Variants in BBOX1 observed in about 807,000 individuals in gnomAD.
BBOX1 encodes gamma-butyrobetaine dioxygenase.
Under a neutral mutation model 41.6 loss-of-function variants are expected in BBOX1, and 35 were observed. That is an observed-to-expected ratio of 0.84 (90% confidence interval 0.64 to 1.11). BBOX1 has a LOEUF of 1.11. Ranked by LOEUF, BBOX1 falls within the 50% of genes most tolerant of loss-of-function variation. BBOX1 has a pLI of 0.00. For missense variants in BBOX1, 458 were observed against 460.6 expected, an observed-to-expected ratio of 0.99 and a Z score of 0.05; for synonymous variants, 163 against 154.7, an observed-to-expected ratio of 1.05 and a Z score of -0.40.
At chr11:27,115,337 A>T in intron 5 of BBOX1, 115 bp from the exon 6 acceptor site, 1 of 771,118 alleles carries the variant, frequency 1.3e-6, no homozygotes, top group Non-Finnish European at 2.0e-6. Context: ...TCATTATGGT[A>T]ATTATTTCAA....
intron 5 of BBOX1, among the ~76,000 whole-genome samples, chr11:27,107,486 T>A (rs1858912372): frequency 6.6e-6 from 1 of 152,110 alleles, no homozygotes; most frequent in Non-Finnish European, 1.5e-5. Flanking sequence ...TAAACAAGTC[T>A]ATACCATTGG....
At chr11:27,086,056 T>TGG (rs1332027055) in intron 4 of BBOX1, among the ~76,000 whole-genome samples, 3 of 152,208 alleles carry the variant, frequency 2.0e-5, no homozygotes, top group Non-Finnish European at 4.4e-5. Context: ...TAGCAGAGGT[T>TGG]GGTTCATGAG....
At chr11:27,058,488 T>C (rs1398642126) in intron 4 of BBOX1, among the ~76,000 whole-genome samples, 1 of 152,124 alleles carries the variant, frequency 6.6e-6, no homozygotes, top group East Asian at 1.9e-4. Context: ...TTGGAAGAGT[T>C]TGGAGAGCTC....
chr11:27,086,065 A>G lies in BBOX1; in HGVS notation c.335-7103A>G, dbSNP rs545521442. On this transcript the variant is annotated intron_variant, in intron 4 of 8. Coordinates refer to ENST00000263182, the MANE Select transcript of BBOX1 (RefSeq NM_003986.3). ...TGGCAGTAGCAGAGGTTGGTTCATG[A>G]GGTTTAAGGAAAGAAGTTTTCTTTA... 2.6e-3 allele frequency among the ~76,000 whole-genome samples: 395 copies of G among 152,246 alleles called. 3 individuals carry two copies. The highest frequency in any genetic ancestry group is 0.017 in the South Asian group (80 of 4,826).
intron 4 of BBOX1, among the ~76,000 whole-genome samples, chr11:27,059,627 A>G (rs888376607): frequency 3.3e-5 from 5 of 152,192 alleles, no homozygotes; most frequent in African/African-American, 1.2e-4. Context: ...CTGTGACAGC[A>G]GCCTCTGGAG....
intron 5 of BBOX1, among the ~76,000 whole-genome samples, chr11:27,097,325 A>G (rs967336165): frequency 6.6e-6 from 1 of 152,060 alleles, no homozygotes; most frequent in African/African-American, 2.4e-5. Flanking sequence ...ATCCATTGGG[A>G]AACAGTTATT....
At chr11:27,107,573 T>G (rs1178298859) in intron 5 of BBOX1, among the ~76,000 whole-genome samples, 1 of 151,988 alleles carries the variant, frequency 6.6e-6, no homozygotes, top group African/African-American at 2.4e-5. Flanking sequence ...GTCACAGCCA[T>G]TCTCAGTAAT....
At chr11:27,123,868 T>G (rs1014947938) in intron 7 of BBOX1, among the ~76,000 whole-genome samples, 38 of 152,232 alleles carry the variant, frequency 2.5e-4, no homozygotes, top group Admixed American at 2.2e-3. Flanking sequence ...ATTTGTATTG[T>G]TATTAATACA....
intron 4 of BBOX1, among the ~76,000 whole-genome samples, chr11:27,078,299 A>T (rs1857704657): frequency 6.6e-6 from 1 of 152,230 alleles, no homozygotes; most frequent in African/African-American, 2.4e-5. Flanking sequence ...TTTCATATAC[A>T]AATGAAAACA....
At chr11:27,110,586 T>G (rs1447673565) in intron 5 of BBOX1, among the ~76,000 whole-genome samples, 3 of 151,942 alleles carry the variant, frequency 2.0e-5, no homozygotes, top group African/African-American at 7.2e-5. Context: ...TTCACATTTC[T>G]CCTTCCCTTA....
chr11:27,098,182 G>A (rs912307709), intron 5 of BBOX1, among the ~76,000 whole-genome samples: 1 of 151,678 alleles, frequency 6.6e-6, no homozygotes, highest in Non-Finnish European at 1.5e-5. Flanking sequence ...CTTTTCACTT[G>A]ACTTACTAAC....
chr11:27,096,030 A>G (rs1858426681), intron 5 of BBOX1, among the ~76,000 whole-genome samples: 1 of 151,904 alleles, frequency 6.6e-6, no homozygotes, highest in Admixed American at 6.6e-5. Context: ...ATTTGGCCTG[A>G]GTATCAGGAC....
At chr11:27,080,856 CAT>C (rs1460968638) in intron 4 of BBOX1, among the ~76,000 whole-genome samples, 1 of 152,148 alleles carries the variant, frequency 6.6e-6, no homozygotes, top group Non-Finnish European at 1.5e-5. Flanking sequence ...CAGTCATCCT[CAT>C]GTGTTTTCCT....
chr11:27,046,197 T>G (rs1187359210), intron 2 of BBOX1: 1 of 152,098 alleles, frequency 6.6e-6, no homozygotes, highest in Non-Finnish European at 1.5e-5. Context: ...CCAAGATCAA[T>G]GCATAAAATA....
intron 7 of BBOX1, among the ~76,000 whole-genome samples, chr11:27,123,588 T>C (rs1859543509): frequency 6.6e-6 from 1 of 151,770 alleles, no homozygotes; most frequent in Admixed American, 6.6e-5. Context: ...TCAGAAGCAG[T>C]AGGGCTAGAA....
Position 27,055,586 on chromosome 11 carries a change from A to G in BBOX1, c.156A>G (p.Lys52=), listed in dbSNP as rs776124862. ...ACCTGGATTCTGCAAAAGCACGGAA[A>G]CTTCTAGTGGAAGCTCTTGATGTGA... The part of the protein sequence containing the change: ...DCYLDSAKAR[K]LLVEALDVNI... The change falls in exon 3 of 9, where the codon AAA becomes AAG. Residue 52 remains lysine, a synonymous_variant. Coordinates refer to ENST00000263182, the MANE Select transcript of BBOX1 (RefSeq NM_003986.3). The G allele has an allele frequency of 2.5e-6, 4 of 1,614,172 alleles. No homozygotes were observed. In the South Asian group the frequency reaches 3.3e-5, roughly 13 times the overall value.
At chr11:27,087,168 G>C (rs894562330) in intron 4 of BBOX1, among the ~76,000 whole-genome samples, 3 of 152,124 alleles carry the variant, frequency 2.0e-5, no homozygotes, top group Admixed American at 2.0e-4. Flanking sequence ...TAGTGGCAGA[G>C]ACTGAGAAGA....
At chr11:27,089,070 T>G (rs1858142373) in intron 4 of BBOX1, among the ~76,000 whole-genome samples, 1 of 152,008 alleles carries the variant, frequency 6.6e-6, no homozygotes. Flanking sequence ...CAAGAAATGA[T>G]AGCACCTGGT....
chr11:27,072,275 T>C (rs1378852386), intron 4 of BBOX1, among the ~76,000 whole-genome samples: 2 of 152,090 alleles, frequency 1.3e-5, no homozygotes, highest in Non-Finnish European at 2.9e-5. Context: ...TATACACTAA[T>C]AACAGACAAA....
Sources: gnomAD v4.1 joint callset for allele counts (sites outside exome capture counted in the v4.1 genomes callset) on GRCh38, gnomAD v4.1.1 for gene constraint, MANE v1.5 for transcripts, NCBI Gene and HGNC (gene_info 2026-07-23, HGNC 2026-07-21) for gene names.